ERO1B: variants seen among roughly 807,000 people sequenced by gnomAD.
ERO1B encodes the protein ERO1-like protein beta.
A neutral mutation model predicts 75.3 loss-of-function variants in ERO1B; 49 were observed. The observed-to-expected ratio is 0.65, with a 90% CI of 0.52 to 0.83. The LOEUF (loss-of-function observed/expected upper bound fraction) is 0.83, where lower values mean the gene tolerates loss of function less well. Among genes scored for constraint, ERO1B ranks in the 40% least tolerant of loss-of-function variants. ERO1B has a pLI of 0.00. For missense variants in ERO1B, 512 were observed against 560.1 expected, an observed-to-expected ratio of 0.91 and a Z score of 0.87; for synonymous variants, 191 against 192.9, an observed-to-expected ratio of 0.99 and a Z score of 0.08.
chr1:236,268,534 T>C (rs1267915067), intron 2 of ERO1B, among the ~76,000 whole-genome samples: 1 of 152,146 alleles, frequency 6.6e-6, no homozygotes, highest in Non-Finnish European at 1.5e-5. Flanking sequence ...GATAGATCAC[T>C]TGAAGCCAGG....
chr1:236,242,537 G>A (rs377068958), intron 6 of ERO1B, among the ~76,000 whole-genome samples: 8 of 151,658 alleles, frequency 5.3e-5, no homozygotes, highest in East Asian at 1.9e-4. Context: ...CCATACTATC[G>A]TAGAAGCTCA....
At position 236,266,578 on chromosome 1, in the gene ERO1B, T is replaced by A. The variant is rs558072796; in HGVS notation, c.222+3297A>T. ...AAGATCGTACCACTGCACTCCAGCC[T>A]GGGCAACAGAGCAAGACTCTGTCTC... is the stretch of plus-strand genomic sequence containing the variant. On this transcript the variant is annotated intron_variant, in intron 2 of 15. Coordinates refer to ENST00000354619, the MANE Select transcript of ERO1B (RefSeq NM_019891.4). 7.9e-5 allele frequency among the ~76,000 whole-genome samples: 12 copies of A among 151,800 alleles called. No homozygotes were observed. In the South Asian group the frequency reaches 2.5e-3, roughly 32 times the overall value.
At chr1:236,251,065 C>T (rs1665014774) in intron 4 of ERO1B, among the ~76,000 whole-genome samples, 1 of 151,940 alleles carries the variant, frequency 6.6e-6, no homozygotes, top group Non-Finnish European at 1.5e-5. Flanking sequence ...TATAGTCATA[C>T]AACTGACTAC....
chr1:236,230,217 T>G lies in ERO1B; in HGVS notation c.712+7A>C, dbSNP rs1203978280. 1 of 1,589,186 alleles carries G rather than the reference T, an allele frequency of 6.3e-7. No homozygotes were observed. The highest frequency in any genetic ancestry group is 1.1e-5 in the South Asian group (1 of 89,366). The stretch of plus-strand genomic sequence containing the variant: ...AAAATCCAATAAATTTAGAACAGAC[T>G]GTTTACCTTCTAGCCATGTGTAGAA... On this transcript the variant is annotated splice_region_variant and intron_variant, in intron 10 of 15. Coordinates refer to ENST00000354619, the MANE Select transcript of ERO1B (RefSeq NM_019891.4).
At chr1:236,229,144 G>T (rs1296396755) in intron 10 of ERO1B, among the ~76,000 whole-genome samples, 1 of 152,106 alleles carries the variant, frequency 6.6e-6, no homozygotes, top group Non-Finnish European at 1.5e-5. Context: ...CAAAGAAATA[G>T]GCCAGGTATG....
intron 6 of ERO1B, 80 bp from the exon 7 acceptor site, chr1:236,236,478 A>T (rs555183247): frequency 1.4e-4 from 203 of 1,464,430 alleles, no homozygotes; most frequent in Non-Finnish European, 1.8e-4. Flanking sequence ...AAACCGGACT[A>T]CTCAAAGGTA....
In ERO1B at chr1:236,217,832, G is replaced by A. The variant is rs905599861; in HGVS notation, c.*684C>T. 1 of 152,040 alleles carries A rather than the reference G, an allele frequency of 6.6e-6. No individual in the cohort carries two copies. The highest frequency in any genetic ancestry group is 1.9e-4 in the East Asian group (1 of 5,188). 9.4% of individuals were successfully genotyped at this position (152,040 alleles called of 1,614,324 possible). On this transcript the variant is annotated 3_prime_UTR_variant, in exon 16 of 16. Coordinates refer to ENST00000354619, the MANE Select transcript of ERO1B (RefSeq NM_019891.4). ...ATCTGGCTGGGTAGCATAGGGGAGAGGTCTTGTTCACCTTTACCAAAGGAG... is the reference window on the plus strand; with the variant it reads ...ATCTGGCTGGGTAGCATAGGGGAGAAGTCTTGTTCACCTTTACCAAAGGAG...
intron 5 of ERO1B, among the ~76,000 whole-genome samples, chr1:236,248,914 T>C (rs1664948673): frequency 6.6e-6 from 1 of 152,126 alleles, no homozygotes; most frequent in Non-Finnish European, 1.5e-5. Flanking sequence ...ATGGAGGATA[T>C]GTATGTGGGT....
At chr1:236,281,421 C>A in intron 1 of ERO1B, 1 of 345,898 alleles carries the variant, frequency 2.9e-6, no homozygotes, top group Non-Finnish European at 5.2e-6. Context: ...AAAACGAAAA[C>A]AGCTCAGGGG....
intron 1 of ERO1B, among the ~76,000 whole-genome samples, chr1:236,281,001 C>G (rs1301218326): frequency 6.6e-6 from 1 of 152,200 alleles, no homozygotes; most frequent in Non-Finnish European, 1.5e-5. Flanking sequence ...GCCAGCACCT[C>G]ACGACTGCCA....
At chr1:236,220,682 G>C (rs1656779799) in intron 15 of ERO1B, 150 bp downstream of exon 15, 10 of 632,420 alleles carry the variant, frequency 1.6e-5, no homozygotes, top group Non-Finnish European at 2.4e-5. Context: ...TGACTTGTCA[G>C]CATTAAGGCC....
chr1:236,223,273 T>G (rs1008467247), intron 13 of ERO1B, among the ~76,000 whole-genome samples: 18 of 152,046 alleles, frequency 1.2e-4, no homozygotes, highest in African/African-American at 4.3e-4. Context: ...AGCATTTGTG[T>G]GCAATATGCC....
Position 236,220,884 on chromosome 1 carries a change from C to T in ERO1B, c.1291G>A (p.Gly431Ser), listed in dbSNP as rs1270103638. 1 of 1,602,142 alleles carries T rather than the reference C, an allele frequency of 6.2e-7. No homozygotes were observed. Among genetic ancestry groups the T allele is most frequent in the Non-Finnish European group, 8.5e-7 (1 of 1,174,482 alleles). ...QKLPENSPSK[G>S]FQLTRQEIVA... The stretch of plus-strand genomic sequence containing the variant: ...ATTTCCTGTCGGGTGAGTTGGAAGC[C>T]TTTAGATGGACTATTCTCTGGAAGC... The change falls in exon 15 of 16, where the codon GGC becomes AGC. Residue 431 changes from glycine (G) to serine (S), a missense_variant. Coordinates refer to ENST00000354619, the MANE Select transcript of ERO1B (RefSeq NM_019891.4).
intron 10 of ERO1B, among the ~76,000 whole-genome samples, chr1:236,227,465 C>G (rs545745621): frequency 6.6e-6 from 1 of 152,136 alleles, no homozygotes; most frequent in Non-Finnish European, 1.5e-5. Context: ...AGGAGTAATA[C>G]ACATTGTGAA....
At chr1:236,261,032 C>T (rs943982914) in intron 2 of ERO1B, among the ~76,000 whole-genome samples, 2 of 152,002 alleles carry the variant, frequency 1.3e-5, no homozygotes. Flanking sequence ...AAAAATAATA[C>T]ACATTAAGCA....
At position 236,252,039 on chromosome 1, in the gene ERO1B, G is replaced by T; in HGVS notation, c.348+11C>A. 1 of 1,579,376 alleles carries T rather than the reference G, an allele frequency of 6.3e-7. No homozygotes were observed. Among genetic ancestry groups the T allele is most frequent in the Non-Finnish European group, 8.7e-7 (1 of 1,155,006 alleles). On this transcript the variant is annotated intron_variant, in intron 4 of 15. Coordinates refer to ENST00000354619, the MANE Select transcript of ERO1B (RefSeq NM_019891.4). The stretch of plus-strand genomic sequence containing the variant: ...TAAAGCAGAAACACTCAAGGAAGAG[G>T]AGGGACTTACCTTATTAGAATGCCC...
At chr1:236,224,482 A>AT (rs1553369708) in intron 13 of ERO1B, among the ~76,000 whole-genome samples, 2,135 of 150,400 alleles carry the variant, frequency 0.014, 40 homozygotes, top group African/African-American at 0.042. Flanking sequence ...AAAAAAAAAA[A>AT]TGCCAATTTC....
At chr1:236,279,230 C>T (rs1019683975) in intron 1 of ERO1B, among the ~76,000 whole-genome samples, 8 of 152,168 alleles carry the variant, frequency 5.3e-5, no homozygotes, top group East Asian at 3.8e-4. Context: ...AGGCCAGGCA[C>T]GGTGGCTCAC....
chr1:236,271,965 C>A (rs1008384036), intron 1 of ERO1B, among the ~76,000 whole-genome samples: 1 of 151,892 alleles, frequency 6.6e-6, no homozygotes, highest in Non-Finnish European at 1.5e-5. Flanking sequence ...ATATTTGTAA[C>A]CTTTAAAAGA....
Sources: allele counts gnomAD v4.1 joint callset (sites outside exome capture counted in the v4.1 genomes callset), GRCh38; gene constraint gnomAD v4.1.1; transcripts MANE v1.5; gene names NCBI Gene and HGNC (gene_info 2026-07-23, HGNC 2026-07-21).